Variants in SUCLG2 observed in about 807,000 individuals in gnomAD.
SUCLG2 encodes the protein succinate-CoA ligase GDP-forming subunit beta, also known as succinate--CoA ligase [GDP-forming] subunit beta, mitochondrial.
Under a neutral mutation model 47.9 loss-of-function variants are expected in SUCLG2, and 42 were observed. The ratio of observed to expected loss-of-function variants is 0.88; its 90% CI spans 0.69 to 1.14. SUCLG2 has a LOEUF of 1.14. Ranked by LOEUF, SUCLG2 falls within the 50% of genes most tolerant of loss-of-function variation. The pLI is 0.00. For synonymous variants in SUCLG2, 195 were observed against 197.3 expected, an observed-to-expected ratio of 0.99 and a Z score of 0.10; for missense variants, 571 against 525.9, an observed-to-expected ratio of 1.09 and a Z score of -0.84.
intron 1 of SUCLG2, among the ~76,000 whole-genome samples, chr3:67,636,380 T>G (rs1358430577): frequency 4.9e-5 from 7 of 142,616 alleles, no homozygotes; most frequent in Non-Finnish European, 3.0e-5. Context: ...TGAGACAGAG[T>G]CTTGCTCTGT....
intron 2 of SUCLG2, among the ~76,000 whole-genome samples, chr3:67,562,231 G>T (rs1422120215): frequency 3.3e-5 from 5 of 151,488 alleles, no homozygotes; most frequent in Non-Finnish European, 7.4e-5. Context: ...CTTCATGTTT[G>T]CACTTTAAAT....
At chr3:67,639,800 T>C (rs557512930) in intron 1 of SUCLG2, among the ~76,000 whole-genome samples, 2 of 152,254 alleles carry the variant, frequency 1.3e-5, no homozygotes, top group East Asian at 3.9e-4. Context: ...GAAAAGCCAC[T>C]TTCACATGAA....
chr3:67,609,614 G>A lies in SUCLG2; in HGVS notation c.85-18C>T, dbSNP rs754794908. 4 of 1,610,636 alleles carry A rather than the reference G, an allele frequency of 2.5e-6. No individual in the cohort carries two copies. In the South Asian group the frequency reaches 4.4e-5, roughly 18 times the overall value. On this transcript the variant is annotated intron_variant, in intron 1 of 10. Coordinates refer to ENST00000307227, the MANE Select transcript of SUCLG2 (RefSeq NM_003848.4). Reference sequence around the variant, plus strand: ...TGAACTGCCTACAGAAATTGAAGGAGAGAGGTAAGAACATTCATTAATAGC... The same window carrying A: ...TGAACTGCCTACAGAAATTGAAGGAAAGAGGTAAGAACATTCATTAATAGC...
chr3:67,424,164 C>T (rs1434914452), intron 9 of SUCLG2, among the ~76,000 whole-genome samples: 3 of 152,198 alleles, frequency 2.0e-5, no homozygotes, highest in Admixed American at 2.0e-4. Context: ...ATAGTTCCAT[C>T]TACCTGGAAT....
At chr3:67,369,307 G>A (rs1701919580) in intron 10 of SUCLG2, among the ~76,000 whole-genome samples, 1 of 152,050 alleles carries the variant, frequency 6.6e-6, no homozygotes, top group Non-Finnish European at 1.5e-5. Flanking sequence ...ATTATGGGTG[G>A]TGCCTTCGTT....
chr3:67,549,736 A>G (rs1706961909), intron 2 of SUCLG2, among the ~76,000 whole-genome samples: 1 of 152,218 alleles, frequency 6.6e-6, no homozygotes. Flanking sequence ...TGCAAAATAT[A>G]TACCACTAAA....
chr3:67,472,543 A>G (rs1704631256), intron 9 of SUCLG2, among the ~76,000 whole-genome samples: 1 of 152,202 alleles, frequency 6.6e-6, no homozygotes, highest in Admixed American at 6.5e-5. Context: ...AGATTTATTT[A>G]CTTTAATTAT....
intron 9 of SUCLG2, among the ~76,000 whole-genome samples, chr3:67,406,989 A>C (rs1034075884): frequency 5.3e-5 from 8 of 152,194 alleles, no homozygotes; most frequent in African/African-American, 1.9e-4. Flanking sequence ...GGATAATGAT[A>C]AAGGAGCCAC....
In SUCLG2 at chr3:67,609,405, G is replaced by A. The variant is rs764611479; in HGVS notation, c.226+50C>T. The A allele has an allele frequency of 1.8e-5, 28 of 1,581,228 alleles. No individual in the cohort carries two copies. The South Asian group carries it at 2.9e-4, about 16-fold the overall frequency. Reference sequence around the variant, plus strand: ...TAACTAGTGGGAAGCCACTACCTGTGAATTCACTGATTTGGGCAAGTGTAT... The same window carrying A: ...TAACTAGTGGGAAGCCACTACCTGTAAATTCACTGATTTGGGCAAGTGTAT... On this transcript the variant is annotated intron_variant, in intron 2 of 10. Transcript: ENST00000307227.
intron 10 of SUCLG2, among the ~76,000 whole-genome samples, chr3:67,380,257 T>C (rs541826174): frequency 7.4e-4 from 112 of 151,730 alleles, no homozygotes; most frequent in African/African-American, 2.7e-3. Flanking sequence ...GAGCTGGCTG[T>C]GCTCACTGCC....
chr3:67,462,294 C>A (rs890386341), intron 9 of SUCLG2, among the ~76,000 whole-genome samples: 8 of 152,000 alleles, frequency 5.3e-5, no homozygotes, highest in African/African-American at 1.9e-4. Context: ...GTCATTAGAC[C>A]CTCATTTCCG....
intron 1 of SUCLG2, among the ~76,000 whole-genome samples, chr3:67,611,074 A>G (rs1328875882): frequency 6.6e-6 from 1 of 152,216 alleles, no homozygotes; most frequent in Non-Finnish European, 1.5e-5. Flanking sequence ...ACAATTTTTC[A>G]TTCCCAGAAA....
chr3:67,395,694 C>T (rs1024110279), intron 10 of SUCLG2, among the ~76,000 whole-genome samples: 3 of 152,184 alleles, frequency 2.0e-5, no homozygotes, highest in Non-Finnish European at 2.9e-5. Flanking sequence ...ACAGAACTCT[C>T]CACCCCAAAT....
At chr3:67,387,213 AAAGT>A (rs1178752254) in intron 10 of SUCLG2, among the ~76,000 whole-genome samples, 8 of 152,250 alleles carry the variant, frequency 5.3e-5, no homozygotes, top group African/African-American at 1.9e-4. Context: ...GATCCCAATA[AAAGT>A]AATAAAAGGA....
intron 9 of SUCLG2, among the ~76,000 whole-genome samples, chr3:67,441,746 C>G (rs1703769070): frequency 6.6e-6 from 1 of 152,172 alleles, no homozygotes; most frequent in African/African-American, 2.4e-5. Flanking sequence ...CCACTTCCAA[C>G]ATACTTGCTG....
intron 10 of SUCLG2, among the ~76,000 whole-genome samples, chr3:67,384,752 C>T (rs1702225937): frequency 6.6e-6 from 1 of 152,232 alleles, no homozygotes; most frequent in Non-Finnish European, 1.5e-5. Context: ...TTTCCACTCC[C>T]TCCACCCCTT....
chr3:67,363,801 A>AC (rs1336605829), intron 10 of SUCLG2, among the ~76,000 whole-genome samples: 2 of 113,168 alleles, frequency 1.8e-5, no homozygotes, highest in Non-Finnish European at 3.6e-5. Flanking sequence ...CCCCAACCTC[A>AC]CCCCCTGCAA....
At chr3:67,439,615 G>T (rs1344893459) in intron 9 of SUCLG2, among the ~76,000 whole-genome samples, 1 of 152,064 alleles carries the variant, frequency 6.6e-6, no homozygotes, top group Non-Finnish European at 1.5e-5. Flanking sequence ...AATCATGAGT[G>T]AACTCCCATT....
chr3:67,526,441 G>C (rs1402395281), intron 4 of SUCLG2, among the ~76,000 whole-genome samples: 2 of 152,140 alleles, frequency 1.3e-5, no homozygotes, highest in Non-Finnish European at 2.9e-5. Flanking sequence ...GAGCCTTCAT[G>C]ACTAATCACT....
Sources: gnomAD v4.1 joint callset for allele counts (sites outside exome capture counted in the v4.1 genomes callset) on GRCh38, gnomAD v4.1.1 for gene constraint, MANE v1.5 for transcripts, NCBI Gene and HGNC (gene_info 2026-07-23, HGNC 2026-07-21) for gene names.